ODAD4: variants seen among roughly 807,000 people sequenced by gnomAD.
The protein encoded by ODAD4 is outer dynein arm-docking complex subunit 4.
A neutral mutation model predicts 51.8 loss-of-function variants in ODAD4; 49 were observed. That is an observed-to-expected ratio of 0.95 (90% confidence interval 0.75 to 1.20). The LOEUF (loss-of-function observed/expected upper bound fraction) is 1.20, where lower values mean the gene tolerates loss of function less well. ODAD4 is among the 50% of genes most tolerant of loss of function. The probability of loss-of-function intolerance (pLI) is 0.00; values close to 1 mark genes in which losing one functional copy is unlikely to be tolerated. For missense variants in ODAD4, 590 were observed against 586.5 expected, an observed-to-expected ratio of 1.01 and a Z score of -0.06; for synonymous variants, 235 against 221.3, an observed-to-expected ratio of 1.06 and a Z score of -0.55.
intron 10 of ODAD4, among the ~76,000 whole-genome samples, chr17:41,957,894 T>G (rs1555641206): frequency 6.6e-6 from 1 of 152,192 alleles, no homozygotes; most frequent in African/African-American, 2.4e-5. Context: ...AAGAGATAAG[T>G]ATCTGGGACT....
At chr17:41,960,147 C>T (rs1202182077) in intron 10 of ODAD4, among the ~76,000 whole-genome samples, 1 of 152,106 alleles carries the variant, frequency 6.6e-6, no homozygotes, top group Non-Finnish European at 1.5e-5. Flanking sequence ...CAAATGTGTG[C>T]GGCCATTGTC....
chr17:41,931,038 C>G (rs531901612), intron 1 of ODAD4, among the ~76,000 whole-genome samples: 25 of 151,950 alleles, frequency 1.6e-4, no homozygotes, highest in Non-Finnish European at 3.2e-4. Flanking sequence ...GGACTACAGG[C>G]GCGTGCCACC....
At chr17:41,935,172 C>A (rs1420356552) in intron 1 of ODAD4, 45 bp from the exon 2 acceptor site, 1 of 1,611,906 alleles carries the variant, frequency 6.2e-7, no homozygotes, top group Non-Finnish European at 8.5e-7. Flanking sequence ...CAGCTTCTAC[C>A]TTGCTCTTCA....
At chr17:41,945,343 CAAAAAAAA>C (rs35481109) in intron 8 of ODAD4, 121 bp downstream of exon 8, 3 of 439,456 alleles carry the variant, frequency 6.8e-6, no homozygotes, top group South Asian at 6.1e-5. Flanking sequence ...TCCCTCTCTA[CAAAAAAAA>C]AAAAAAAAAA....
In ODAD4 at chr17:41,945,189, C is replaced by A. The variant is rs1202917705; in HGVS notation, c.1112C>A (p.Ala371Asp). 1 of 1,613,188 alleles carries A rather than the reference C, an allele frequency of 6.2e-7. No homozygotes were observed. Among genetic ancestry groups the A allele is most frequent in the South Asian group, 1.1e-5 (1 of 90,758 alleles). ...CTTGACAACATTGGCAGAGTTTTTGCCAGAGTTGGGAAATTCCAGCAAGCC... is the reference window on the plus strand; with the variant it reads ...CTTGACAACATTGGCAGAGTTTTTGACAGAGTTGGGAAATTCCAGCAAGCC... ...RALDNIGRVF[A>D]RVGKFQQAID... is the part of the protein sequence containing the mutation. Residue 371 changes from alanine to aspartate, a missense_variant, in exon 8 of 12, where the codon GCC (alanine) becomes GAC (aspartate). Around this residue, in one of 3 missense-constraint regions of ODAD4, gnomAD observed 226 missense variants for 162.7 expected, o/e 1.39. Transcript: ENST00000377540.
intron 8 of ODAD4, among the ~76,000 whole-genome samples, chr17:41,947,801 AAAAAT>A (rs1188493878): frequency 3.4e-4 from 51 of 149,956 alleles, no homozygotes; most frequent in Non-Finnish European, 5.3e-4. Flanking sequence ...GTCTCAAAGA[AAAAAT>A]AAAATAAAAT....
intron 2 of ODAD4, 61 bp from the exon 3 acceptor site, chr17:41,935,538 C>T: frequency 6.4e-7 from 1 of 1,564,280 alleles, no homozygotes; most frequent in East Asian, 2.3e-5. Context: ...TTCTGTTCCA[C>T]CACATGTGAG....
intron 10 of ODAD4, among the ~76,000 whole-genome samples, chr17:41,958,426 C>T (rs1302844313): frequency 2.6e-5 from 4 of 151,904 alleles, no homozygotes; most frequent in African/African-American, 9.7e-5. Context: ...TTTAGGAGGC[C>T]GAGATGGATG....
Position 41,935,764 on chromosome 17 carries a change from G to T in ODAD4, c.397+15G>T. 6.2e-7 allele frequency: 1 copy of T among 1,613,624 alleles called. No homozygotes were observed. Among genetic ancestry groups the T allele is most frequent in the Non-Finnish European group, 8.5e-7 (1 of 1,179,720 alleles). On this transcript the variant is annotated intron_variant, in intron 3 of 11. Transcript: ENST00000377540. ...CTCAGTGGGAAGTGAGTGACCACAG[G>T]GCCTATGCCCTTATCCAGGAAGGTC...
Position 41,954,906 on chromosome 17 carries a change from G to A in ODAD4, c.1343-311G>A, listed in dbSNP as rs562764118. 35 of 329,132 alleles carry A rather than the reference G, an allele frequency of 1.1e-4. No homozygotes were observed. In the South Asian group the frequency reaches 1.1e-3, roughly 10 times the overall value. The allele number at this position is 329,132 out of a possible 1,614,324, so 20.4% of individuals were successfully genotyped here. On this transcript the variant is annotated intron_variant, in intron 9 of 11. Coordinates refer to ENST00000377540, the MANE Select transcript of ODAD4 (RefSeq NM_031421.5). Reference sequence around the variant, plus strand: ...GAACAATCTAAAGATGGAGCAGGATGCGGTTTTCTCCTCCACTCTGGAGAC... The same window carrying A: ...GAACAATCTAAAGATGGAGCAGGATACGGTTTTCTCCTCCACTCTGGAGAC...
intron 8 of ODAD4, among the ~76,000 whole-genome samples, chr17:41,945,935 G>T (rs148568624): frequency 6.6e-6 from 1 of 152,110 alleles, no homozygotes; most frequent in Non-Finnish European, 1.5e-5. Context: ...AGAAAGGAAC[G>T]TATACTTGGA....
At chr17:41,942,368 G>GT (rs1269075215) in intron 7 of ODAD4, among the ~76,000 whole-genome samples, 1 of 152,010 alleles carries the variant, frequency 6.6e-6, no homozygotes, top group East Asian at 1.9e-4. Flanking sequence ...AGTCTAAGTG[G>GT]TTTTTTCAGT....
At chr17:41,955,067 C>T (rs782312143) in intron 9 of ODAD4, 150 bp from the exon 10 acceptor site, 1 of 715,842 alleles carries the variant, frequency 1.4e-6, no homozygotes, top group Non-Finnish European at 2.6e-6. Context: ...TGCTGAGCAG[C>T]TCAGTGATGC....
chr17:41,943,180 C>T (rs1555638921), intron 7 of ODAD4, among the ~76,000 whole-genome samples: 1 of 152,170 alleles, frequency 6.6e-6, no homozygotes, highest in African/African-American at 2.4e-5. Context: ...GGCTCCTTTT[C>T]AATGTGTTTA....
chr17:41,944,444 A>ACCCCCCC (rs10578034), intron 7 of ODAD4, among the ~76,000 whole-genome samples: 9 of 19,568 alleles, frequency 4.6e-4, no homozygotes, highest in Non-Finnish European at 6.1e-4. Flanking sequence ...ACACACACAC[A>ACCCCCCC]CCCCCCCGCA....
intron 7 of ODAD4, among the ~76,000 whole-genome samples, chr17:41,942,526 A>G (rs1555638830): frequency 6.6e-6 from 1 of 152,270 alleles, no homozygotes; most frequent in African/African-American, 2.4e-5. Context: ...AGAACAGAGT[A>G]CCCACTCTAG....
chr17:41,960,475 AAAC>A (rs2050791334), intron 10 of ODAD4, among the ~76,000 whole-genome samples: 1 of 152,100 alleles, frequency 6.6e-6, no homozygotes, highest in Non-Finnish European at 1.5e-5. Context: ...AACAAACAAA[AAAC>A]AAAGCACAAA....
intron 7 of ODAD4, among the ~76,000 whole-genome samples, chr17:41,942,559 G>T (rs1480812424): frequency 1.3e-5 from 2 of 152,246 alleles, no homozygotes; most frequent in East Asian, 3.8e-4. Context: ...ACTCCGACGG[G>T]CTGTGACAGC....
intron 1 of ODAD4, among the ~76,000 whole-genome samples, chr17:41,934,958 C>T (rs1555637472): frequency 6.6e-6 from 1 of 152,194 alleles, no homozygotes. Flanking sequence ...CCAGTGGCTT[C>T]CACAATAGCC....
Sources: gnomAD v4.1 joint callset for allele counts (sites outside exome capture counted in the v4.1 genomes callset) on GRCh38, gnomAD v4.1.1 for gene constraint, gnomAD v4.1.1 regional missense constraint, MANE v1.5 for transcripts, NCBI Gene and HGNC (gene_info 2026-07-23, HGNC 2026-07-21) for gene names.